Variants in GREB1L observed in about 807,000 individuals in gnomAD.
GREB1L encodes GREB1 like retinoic acid receptor coactivator.
A neutral mutation model predicts 200.8 loss-of-function variants in GREB1L; 17 were observed. The observed-to-expected ratio is 0.08, with a 90% CI of 0.06 to 0.13. The LOEUF is 0.13. Among genes scored for constraint, GREB1L ranks in the 10% least tolerant of loss-of-function variants. The pLI is 1.00. For missense variants in GREB1L, 1,657 were observed against 2,367.7 expected (o/e 0.70, Z 6.23); for synonymous variants, 789 against 893.0 (o/e 0.88, Z 2.08).
intron 7 of GREB1L, among the ~76,000 whole-genome samples, chr18:21,406,970 G>A (rs1312455119): frequency 4.0e-5 from 6 of 148,916 alleles, no homozygotes; most frequent in African/African-American, 1.5e-4. Flanking sequence ...CGCCTCCCAA[G>A]TTCAAGAGAT....
chr18:21,473,560 C>T (rs1200563513), intron 16 of GREB1L, among the ~76,000 whole-genome samples: 6 of 122,752 alleles, frequency 4.9e-5, no homozygotes, highest in African/African-American at 6.8e-5. Flanking sequence ...CAGAGTGAGA[C>T]TTTGTCTCAA....
chr18:21,515,173 C>T (rs1401009866), intron 28 of GREB1L, among the ~76,000 whole-genome samples: 24 of 152,202 alleles, frequency 1.6e-4, no homozygotes, highest in Admixed American at 1.5e-3. Context: ...TTCACTCTGA[C>T]ACAGGCCGGA....
intron 7 of GREB1L, among the ~76,000 whole-genome samples, chr18:21,411,241 C>G (rs1252316460): frequency 1.3e-5 from 2 of 150,828 alleles, no homozygotes; most frequent in African/African-American, 2.4e-5. Context: ...GAGTCTCACT[C>G]TGTCGCCCAG....
chr18:21,419,162 C>CTA (rs1439061171), intron 7 of GREB1L, among the ~76,000 whole-genome samples: 1 of 152,070 alleles, frequency 6.6e-6, no homozygotes, highest in Non-Finnish European at 1.5e-5. Flanking sequence ...GTATAGTGGG[C>CTA]TATACTGTCT....
intron 7 of GREB1L, among the ~76,000 whole-genome samples, chr18:21,427,991 C>T (rs1308017490): frequency 6.6e-6 from 1 of 150,390 alleles, no homozygotes; most frequent in Non-Finnish European, 1.5e-5. Context: ...GAGATCGAGA[C>T]CATCCTGGCT....
chr18:21,250,275 G>A (rs1169313209), intron 1 of GREB1L, among the ~76,000 whole-genome samples: 1 of 152,178 alleles, frequency 6.6e-6, no homozygotes, highest in African/African-American at 2.4e-5. Context: ...TAATCAGTTT[G>A]TAAAGAGATC....
At chr18:21,423,610 G>A (rs756900337) in intron 7 of GREB1L, among the ~76,000 whole-genome samples, 1 of 152,152 alleles carries the variant, frequency 6.6e-6, no homozygotes, top group Non-Finnish European at 1.5e-5. Flanking sequence ...CTGTAATCCC[G>A]GCAGTTTGGG....
At chr18:21,341,426 C>G (rs183959919) in intron 1 of GREB1L, among the ~76,000 whole-genome samples, 3 of 152,222 alleles carry the variant, frequency 2.0e-5, no homozygotes. Flanking sequence ...CCCTTGTCCT[C>G]TGTCAAACAA....
At chr18:21,245,065 G>A (rs2037573740) in intron 1 of GREB1L, among the ~76,000 whole-genome samples, 1 of 152,152 alleles carries the variant, frequency 6.6e-6, no homozygotes, top group African/African-American at 2.4e-5. Flanking sequence ...AATTTGTAAA[G>A]TACCTGCAGC....
chr18:21,522,298 CCATCT>C (rs374965046), intron 32 of GREB1L, among the ~76,000 whole-genome samples: 7 of 151,862 alleles, frequency 4.6e-5, no homozygotes, highest in African/African-American at 1.7e-4. Context: ...TGATGAAACC[CCATCT>C]CTACTAAAAT....
intron 5 of GREB1L, among the ~76,000 whole-genome samples, chr18:21,399,453 TTGGATGGATGGATGGATGGATGGA>T (rs111906534): frequency 6.8e-6 from 1 of 146,086 alleles, no homozygotes; most frequent in Admixed American, 6.9e-5. Context: ...GGATGGATGG[TTGGATGGATGGATGGATGGATGGA>T]TGGATGGATG....
chr18:21,377,835 A>C lies in GREB1L; in HGVS notation c.-9-5675A>C, dbSNP rs112246805. Reference sequence around the variant, plus strand: ...TGAGGCAGGAGAGTCACTTGAACCCAGGAGCGGGAGGTTGCAGTGAGCCGG... The same window carrying C: ...TGAGGCAGGAGAGTCACTTGAACCCCGGAGCGGGAGGTTGCAGTGAGCCGG... On this transcript the variant is annotated intron_variant, in intron 2 of 32. Transcript: ENST00000424526. 5.5e-3 allele frequency among the ~76,000 whole-genome samples: 842 copies of C among 151,928 alleles called. 7 individuals are homozygous for C. Among genetic ancestry groups the C allele is most frequent in the Non-Finnish European group, 7.1e-3 (481 of 67,954 alleles).
chr18:21,287,473 AAAG>A (rs1287448201), intron 1 of GREB1L, among the ~76,000 whole-genome samples: 1 of 152,152 alleles, frequency 6.6e-6, no homozygotes, highest in African/African-American at 2.4e-5. Context: ...TCTTCTTTCG[AAAG>A]AAGATCATCG....
intron 1 of GREB1L, among the ~76,000 whole-genome samples, chr18:21,332,110 CTAAAATTCAT>C (rs1230446884): frequency 6.6e-6 from 1 of 152,174 alleles, no homozygotes; most frequent in African/African-American, 2.4e-5. Context: ...AAAAATCTTC[CTAAAATTCAT>C]TAGTTAATAC....
chr18:21,411,271 A>G (rs2030970117), intron 7 of GREB1L, among the ~76,000 whole-genome samples: 1 of 150,922 alleles, frequency 6.6e-6, no homozygotes, highest in Non-Finnish European at 1.5e-5. Context: ...CAGTGGCGCC[A>G]TCTCAGCTCA....
At chr18:21,448,930 G>C (rs2034380471) in intron 11 of GREB1L, among the ~76,000 whole-genome samples, 1 of 152,202 alleles carries the variant, frequency 6.6e-6, no homozygotes, top group Non-Finnish European at 1.5e-5. Context: ...GGAATAACTA[G>C]ATCATGAAAG....
Position 21,288,586 on chromosome 18 carries a change from T to G in GREB1L, c.-120+46193T>G, listed in dbSNP as rs1348985794. Among the ~76,000 whole-genome samples the G allele has an allele frequency of 3.3e-5, 5 of 152,264 alleles. No homozygotes were observed. In the East Asian group the frequency reaches 9.6e-4, roughly 29 times the overall value. ...GTCCCCAATCATACATACAGATTTT[T>G]TGAAATAACTATTTCCCTTTTATGT... On this transcript the variant is annotated intron_variant, in intron 1 of 32. Transcript: ENST00000424526.
chr18:21,276,101 T>A (rs1248329159), intron 1 of GREB1L, among the ~76,000 whole-genome samples: 2 of 152,220 alleles, frequency 1.3e-5, no homozygotes, highest in Non-Finnish European at 2.9e-5. Context: ...CTTGAACTTG[T>A]CTTGGGTCAG....
At chr18:21,335,307 GT>G (rs2039167713) in intron 1 of GREB1L, among the ~76,000 whole-genome samples, 1 of 152,144 alleles carries the variant, frequency 6.6e-6, no homozygotes, top group Non-Finnish European at 1.5e-5. Context: ...ATTGTTTTGT[GT>G]TATTTTTTGT....
Sources: gnomAD v4.1 joint callset for allele counts (sites outside exome capture counted in the v4.1 genomes callset) on GRCh38, gnomAD v4.1.1 for gene constraint, MANE v1.5 for transcripts, NCBI Gene and HGNC (gene_info 2026-07-23, HGNC 2026-07-21) for gene names.